The following PRKCE variants were observed in gnomAD, a reference collection of about 807,000 sequenced individuals.
PRKCE encodes the protein protein kinase C epsilon type.
In PRKCE, 16 loss-of-function variants were observed where a neutral mutation model predicts 85.4. The observed-to-expected ratio is 0.19, with a 90% confidence interval of 0.13 to 0.28. The LOEUF (loss-of-function observed/expected upper bound fraction) is 0.28. Ranked by LOEUF, PRKCE falls within the 10% of genes least tolerant of loss-of-function variation. PRKCE has a pLI of 1.00. For synonymous variants in PRKCE, 388 were observed against 371.5 expected (o/e 1.04, Z -0.51); for missense variants, 573 against 975.2 (o/e 0.59, Z 5.49).
At chr2:45,878,617 T>C (rs1268004996) in intron 2 of PRKCE, among the ~76,000 whole-genome samples, 1 of 152,360 alleles carries the variant, frequency 6.6e-6, no homozygotes, top group East Asian at 1.9e-4. Flanking sequence ...TTAAAGAAGA[T>C]TTTTAACAAT....
chr2:45,677,331 GTTTTTTTTTTTGTTGTTGTTGTTT>G (rs1274608731), intron 1 of PRKCE, among the ~76,000 whole-genome samples: 2 of 108,576 alleles, frequency 1.8e-5, no homozygotes, highest in Non-Finnish European at 3.7e-5. Context: ...TTTTTTTTTT[GTTTTTTTTTTTGTTGTTGTTGTTT>G]TTTTTTTTTT....
intron 10 of PRKCE, among the ~76,000 whole-genome samples, chr2:46,066,043 A>G (rs567166202): frequency 6.6e-6 from 1 of 152,328 alleles, no homozygotes; most frequent in Admixed American, 6.5e-5. Context: ...CGTTCCAAAA[A>G]GCTGGATGCT....
intron 1 of PRKCE, among the ~76,000 whole-genome samples, chr2:45,831,578 T>G (rs562593049): frequency 1.3e-5 from 2 of 152,216 alleles, no homozygotes; most frequent in Non-Finnish European, 2.9e-5. Context: ...GAATTTGTGA[T>G]GTATAACTTT....
intron 2 of PRKCE, among the ~76,000 whole-genome samples, chr2:45,973,575 C>A (rs889166277): frequency 6.6e-6 from 1 of 152,188 alleles, no homozygotes; most frequent in Non-Finnish European, 1.5e-5. Context: ...CAGGAGTTAT[C>A]CTTGGCTGTC....
chr2:46,000,390 G>T (rs1704574898), intron 6 of PRKCE, among the ~76,000 whole-genome samples: 1 of 151,866 alleles, frequency 6.6e-6, no homozygotes, highest in South Asian at 2.1e-4. Context: ...GATGGCTAGA[G>T]TGGGCTGGAG....
chr2:45,957,645 A>G (rs1158778294), intron 2 of PRKCE, among the ~76,000 whole-genome samples: 2 of 152,180 alleles, frequency 1.3e-5, no homozygotes, highest in African/African-American at 2.4e-5. Flanking sequence ...ATGGTGGCTC[A>G]TGCCTGGAAT....
At chr2:45,759,014 C>T (rs1684227996) in intron 1 of PRKCE, among the ~76,000 whole-genome samples, 1 of 152,036 alleles carries the variant, frequency 6.6e-6, no homozygotes, top group Admixed American at 6.6e-5. Flanking sequence ...GGAGAGCTTC[C>T]GGGTCATGCC....
At chr2:46,002,950 G>A (rs140614728) in intron 7 of PRKCE, among the ~76,000 whole-genome samples, 3 of 152,250 alleles carry the variant, frequency 2.0e-5, no homozygotes, top group East Asian at 1.9e-4. Flanking sequence ...CTGTCTTTGC[G>A]CTATATTTAC....
intron 2 of PRKCE, among the ~76,000 whole-genome samples, chr2:45,865,880 C>T (rs567283359): frequency 1.4e-5 from 2 of 143,150 alleles, no homozygotes; most frequent in African/African-American, 5.2e-5. Context: ...TGCAGTGATA[C>T]AATTAAAATT....
In PRKCE at chr2:45,938,193, GGGTGGTATTTAGTCTCTTGGA is replaced by G. The variant is rs1427356146; in HGVS notation, c.413-38223_413-38203del. Among the ~76,000 whole-genome samples, 8 of 152,262 alleles carry G rather than the reference GGGTGGTATTTAGTCTCTTGGA, an allele frequency of 5.3e-5. No individual in the cohort carries two copies. The East Asian group carries it at 9.6e-4, about 18-fold the overall frequency. On this transcript the variant is annotated intron_variant, in intron 2 of 14. Coordinates refer to ENST00000306156, the MANE Select transcript of PRKCE (RefSeq NM_005400.3). Reference sequence around the variant, plus strand: ...CTTAGCCTCAGGGCAGGGCTGATGGGGGTGGTATTTAGTCTCTTGGAGGTGGTATTTAGCCCCTTGGAGAGG... The same window carrying G: ...CTTAGCCTCAGGGCAGGGCTGATGGGGGTGGTATTTAGCCCCTTGGAGAGG...
chr2:45,808,316 G>C (rs912941064), intron 1 of PRKCE, among the ~76,000 whole-genome samples: 23 of 152,182 alleles, frequency 1.5e-4, no homozygotes, highest in African/African-American at 5.3e-4. Context: ...GACAATTGTA[G>C]GTTTGGAGGT....
intron 1 of PRKCE, among the ~76,000 whole-genome samples, chr2:45,732,124 G>A (rs1681630695): frequency 6.6e-6 from 1 of 151,898 alleles, no homozygotes; most frequent in South Asian, 2.1e-4. Flanking sequence ...GTGAACCTCA[G>A]TATAAATGAA....
intron 1 of PRKCE, among the ~76,000 whole-genome samples, chr2:45,794,356 C>G (rs941880986): frequency 6.6e-6 from 1 of 152,092 alleles, no homozygotes; most frequent in African/African-American, 2.4e-5. Context: ...ATGAATTATT[C>G]AGGGAGGGAT....
intron 11 of PRKCE, among the ~76,000 whole-genome samples, chr2:46,115,878 C>T (rs921476622): frequency 6.6e-6 from 1 of 152,140 alleles, no homozygotes; most frequent in African/African-American, 2.4e-5. Flanking sequence ...TTGTATATGA[C>T]TCTTCATCTT....
intron 12 of PRKCE, 113 bp from the exon 13 acceptor site, chr2:46,150,928 A>G (rs1224928243): frequency 1.0e-6 from 1 of 966,008 alleles, no homozygotes; most frequent in Non-Finnish European, 1.5e-6. Context: ...CTAGGACTCA[A>G]CTGTAGGGAG....
At chr2:46,059,058 C>T (rs544755265) in intron 10 of PRKCE, among the ~76,000 whole-genome samples, 2 of 152,250 alleles carry the variant, frequency 1.3e-5, no homozygotes, top group Admixed American at 6.5e-5. Context: ...GTGGCTCATG[C>T]CTGTAACGTG....
chr2:45,682,979 C>T (rs946806810), intron 1 of PRKCE, among the ~76,000 whole-genome samples: 1 of 152,118 alleles, frequency 6.6e-6, no homozygotes, highest in Non-Finnish European at 1.5e-5. Flanking sequence ...GTAAAGTCAC[C>T]TCAGTTCTCT....
intron 13 of PRKCE, among the ~76,000 whole-genome samples, chr2:46,152,735 G>A (rs1444414134): frequency 6.6e-6 from 1 of 151,728 alleles, no homozygotes. Context: ...TTTTAGTAGA[G>A]ATGGGGTTTC....
chr2:45,652,549 T>G lies in PRKCE; in HGVS notation c.348+101T>G. The G allele has an allele frequency of 8.8e-7, 1 of 1,137,072 alleles. No homozygotes were observed. The highest frequency in any genetic ancestry group is 1.2e-6 in the Non-Finnish European group (1 of 822,040). The allele number at this position is 1,137,072 out of a possible 1,614,324, so 70.4% of individuals were successfully genotyped here. On this transcript the variant is annotated intron_variant, in intron 1 of 14. Coordinates refer to ENST00000306156, the MANE Select transcript of PRKCE (RefSeq NM_005400.3). This position sits in a 1 kb window ranked among gnomAD's most constrained non-coding sequence, Gnocchi z 7.7. Reference sequence around the variant, plus strand: ...TAGGGCTCCGGGACTTATTGACGACTGGGGTGTGTGTGCCTGTAAGTCTCA... The same window carrying G: ...TAGGGCTCCGGGACTTATTGACGACGGGGGTGTGTGTGCCTGTAAGTCTCA...
Sources: gnomAD v4.1 joint callset for allele counts (sites outside exome capture counted in the v4.1 genomes callset) on GRCh38, gnomAD v4.1.1 for gene constraint, Gnocchi (gnomAD v3.1) non-coding constraint, MANE v1.5 for transcripts, NCBI Gene and HGNC (gene_info 2026-07-23, HGNC 2026-07-21) for gene names.